GABRG3: variants seen among roughly 807,000 people sequenced by gnomAD.
GABRG3 encodes gamma-aminobutyric acid receptor subunit gamma-3.
Under a neutral mutation model 48.8 loss-of-function variants are expected in GABRG3, and 25 were observed. That is an observed-to-expected ratio of 0.51 (90% CI 0.37 to 0.72). The LOEUF is 0.72. Ranked by LOEUF, GABRG3 falls within the 30% of genes least tolerant of loss-of-function variation. The pLI is 0.00. For missense variants in GABRG3, 394 were observed against 577.9 expected, an observed-to-expected ratio of 0.68 and a Z score of 3.26; for synonymous variants, 227 against 217.6, an observed-to-expected ratio of 1.04 and a Z score of -0.38.
intron 5 of GABRG3, among the ~76,000 whole-genome samples, chr15:27,466,237 C>CAATATTCCATAGA (rs1889606199): frequency 6.6e-6 from 1 of 152,322 alleles, no homozygotes; most frequent in Admixed American, 6.5e-5. Context: ...TAGAAGACCA[C>CAATATTCCATAGA]AGAATATTCA....
chr15:27,472,800 A>G (rs996629261), intron 5 of GABRG3, among the ~76,000 whole-genome samples: 1 of 152,160 alleles, frequency 6.6e-6, no homozygotes, highest in African/African-American at 2.4e-5. Flanking sequence ...GTCTCTACAT[A>G]TATACATATG....
At chr15:27,349,668 C>A (rs1262642351) in intron 5 of GABRG3, among the ~76,000 whole-genome samples, 4 of 152,182 alleles carry the variant, frequency 2.6e-5, no homozygotes, top group Non-Finnish European at 5.9e-5. Flanking sequence ...CTAAGGGCAT[C>A]TCTCTGTTGT....
At chr15:27,453,672 G>A (rs980467279) in intron 5 of GABRG3, among the ~76,000 whole-genome samples, 3 of 152,106 alleles carry the variant, frequency 2.0e-5, no homozygotes, top group Admixed American at 1.3e-4. Context: ...CGCAATCTTG[G>A]CTCACTGCAA....
At chr15:27,257,740 G>A (rs1566982827) in intron 3 of GABRG3, among the ~76,000 whole-genome samples, 2 of 151,988 alleles carry the variant, frequency 1.3e-5, no homozygotes, top group Admixed American at 6.5e-5. Flanking sequence ...TGGCATGATC[G>A]TAGCTCACTG....
At chr15:27,155,943 C>T (rs759677209) in intron 3 of GABRG3, among the ~76,000 whole-genome samples, 14 of 151,984 alleles carry the variant, frequency 9.2e-5, no homozygotes, top group African/African-American at 2.7e-4. Context: ...CCTTTGTGAG[C>T]GAAGCCAAGT....
chr15:27,049,517 A>G (rs754814739), intron 3 of GABRG3, among the ~76,000 whole-genome samples: 23 of 152,328 alleles, frequency 1.5e-4, no homozygotes, highest in South Asian at 1.4e-3. Context: ...GACCGACCAT[A>G]GAAATGAAAG....
chr15:27,121,587 G>T (rs553096664), intron 3 of GABRG3, among the ~76,000 whole-genome samples: 1 of 152,330 alleles, frequency 6.6e-6, no homozygotes, highest in South Asian at 2.1e-4. Flanking sequence ...CCACAGTGAT[G>T]CTGTGCACCC....
At chr15:27,443,878 C>G (rs895833737) in intron 5 of GABRG3, among the ~76,000 whole-genome samples, 4 of 152,128 alleles carry the variant, frequency 2.6e-5, no homozygotes, top group Non-Finnish European at 4.4e-5. Flanking sequence ...TTGGGAAATG[C>G]TTTTACCTCA....
chr15:27,066,879 T>C (rs1415017693), intron 3 of GABRG3, among the ~76,000 whole-genome samples: 1 of 152,220 alleles, frequency 6.6e-6, no homozygotes, highest in Non-Finnish European at 1.5e-5. Context: ...ACACTGCTGC[T>C]ATCTGTAATG....
intron 6 of GABRG3, among the ~76,000 whole-genome samples, chr15:27,486,573 GGGGCAGGAGCTCC>G (rs1890224974): frequency 6.6e-6 from 1 of 152,134 alleles, no homozygotes; most frequent in Non-Finnish European, 1.5e-5. Flanking sequence ...GGGAGCACAG[GGGGCAGGAGCTCC>G]AGCACTAGAG....
chr15:26,981,188 AC>A (rs1296941666), intron 2 of GABRG3, among the ~76,000 whole-genome samples: 1 of 152,238 alleles, frequency 6.6e-6, no homozygotes, highest in Non-Finnish European at 1.5e-5. Context: ...AGGGAGATTA[AC>A]CATTGTGTTT....
At chr15:27,101,026 T>C (rs559435577) in intron 3 of GABRG3, among the ~76,000 whole-genome samples, 1 of 152,270 alleles carries the variant, frequency 6.6e-6, no homozygotes, top group East Asian at 1.9e-4. Context: ...AAAATAAGTG[T>C]CCTGATTTAC....
At chr15:26,994,997 C>T (rs1359450139) in intron 2 of GABRG3, among the ~76,000 whole-genome samples, 2 of 151,942 alleles carry the variant, frequency 1.3e-5, no homozygotes, top group Non-Finnish European at 2.9e-5. Context: ...TTTGTTAAAT[C>T]CGTTTTCTTG....
chr15:27,243,807 T>G (rs1595608389), intron 3 of GABRG3, among the ~76,000 whole-genome samples: 1 of 152,270 alleles, frequency 6.6e-6, no homozygotes, highest in East Asian at 1.9e-4. Context: ...TGGCAGAAAA[T>G]TTTAAGAAAA....
rs1323240197 is a variant in GABRG3, at chr15:26,975,435, CG to C, written c.54-1566del. On this transcript the variant is annotated intron_variant, in intron 1 of 9. Transcript: ENST00000615808. This position sits in a 1 kb window ranked among gnomAD's most constrained non-coding sequence, Gnocchi z 4.6. The stretch of plus-strand genomic sequence containing the variant: ...TACTTTAAGATCAGCCTAGGAAAAA[CG>C]TAAGTGGGGAAGTCATTCTTTGAGA... 1.3e-5 allele frequency among the ~76,000 whole-genome samples: 2 copies of C among 152,070 alleles called. No homozygotes were observed. Among genetic ancestry groups the C allele is most frequent in the Non-Finnish European group, 2.9e-5 (2 of 68,004 alleles).
At chr15:27,420,813 G>C (rs1337547282) in intron 5 of GABRG3, 2 of 152,082 alleles carry the variant, frequency 1.3e-5, no homozygotes, top group Non-Finnish European at 2.9e-5. Context: ...ATGTGGCAAA[G>C]AAAAACTAAA....
intron 3 of GABRG3, among the ~76,000 whole-genome samples, chr15:27,276,249 A>G (rs542687108): frequency 5.1e-4 from 77 of 152,314 alleles, no homozygotes; most frequent in African/African-American, 1.8e-3. Flanking sequence ...TTTGTGATGG[A>G]TTTGGGGAAC....
At position 27,308,216 on chromosome 15, in the gene GABRG3, ATATAAACATGTTTATATATCCAAACAT is replaced by A. The variant is rs1230224710; in HGVS notation, c.271-18592_271-18566del. Among the ~76,000 whole-genome samples, 7 of 47,358 alleles carry A rather than the reference ATATAAACATGTTTATATATCCAAACAT, an allele frequency of 1.5e-4. 2 individuals are homozygous for A. Among genetic ancestry groups the A allele is most frequent in the African/African-American group, 5.6e-4 (5 of 8,948 alleles). 31.1% of individuals were successfully genotyped at this position (47,358 alleles called of 152,430 possible). A position where few individuals can be genotyped will look rare whatever the true frequency, so the allele number is the denominator to read the frequency against. On this transcript the variant is annotated intron_variant, in intron 3 of 9. Coordinates refer to ENST00000615808, the MANE Select transcript of GABRG3 (RefSeq NM_033223.5). ...TAAACATGTTTATATATCCAAACAT[ATATAAACATGTTTATATATCCAAACAT>A]ATATAAACATACGTTTATATATAAA...
At chr15:26,971,767 C>A (rs1894850585) in intron 1 of GABRG3, among the ~76,000 whole-genome samples, 179 bp downstream of exon 1, 1 of 152,268 alleles carries the variant, frequency 6.6e-6, no homozygotes, top group African/African-American at 2.4e-5. Context: ...TGGACACGGT[C>A]ATCTGCTTTT....
Sources: gnomAD v4.1 joint callset for allele counts (sites outside exome capture counted in the v4.1 genomes callset) on GRCh38, gnomAD v4.1.1 for gene constraint, Gnocchi (gnomAD v3.1) non-coding constraint, MANE v1.5 for transcripts, NCBI Gene and HGNC (gene_info 2026-07-23, HGNC 2026-07-21) for gene names.